MARCHF1: variants seen among roughly 807,000 people sequenced by gnomAD.
MARCHF1 encodes E3 ubiquitin-protein ligase MARCHF1.
In MARCHF1, 40 loss-of-function variants were observed where a neutral mutation model predicts 54.2. That is an observed-to-expected ratio of 0.74 (90% CI 0.57 to 0.96). The LOEUF (loss-of-function observed/expected upper bound fraction) is 0.96, where lower values mean the gene tolerates loss of function less well. MARCHF1 is among the 40% of genes least tolerant of loss of function. The probability of loss-of-function intolerance (pLI) is 0.00; values close to 1 mark genes in which losing one functional copy is unlikely to be tolerated. For missense variants in MARCHF1, 586 were observed against 656.5 expected (o/e 0.89, Z 1.17); for synonymous variants, 236 against 236.3 (o/e 1.00, Z 0.01).
chr4:163,676,691 G>A (rs1250128582), intron 5 of MARCHF1, among the ~76,000 whole-genome samples: 2 of 152,188 alleles, frequency 1.3e-5, no homozygotes, highest in Non-Finnish European at 2.9e-5. Context: ...AGGAATTTGA[G>A]GTTACGATGA....
At chr4:163,893,637 A>G (rs1327475407) in intron 3 of MARCHF1, among the ~76,000 whole-genome samples, 1 of 152,176 alleles carries the variant, frequency 6.6e-6, no homozygotes, top group African/African-American at 2.4e-5. Flanking sequence ...CCATTTTTGA[A>G]TAGATAATTA....
At chr4:164,171,958 T>C (rs542728218) in intron 1 of MARCHF1, among the ~76,000 whole-genome samples, 20 of 152,330 alleles carry the variant, frequency 1.3e-4, no homozygotes, top group African/African-American at 4.8e-4. Flanking sequence ...AATGTATAGT[T>C]GAGCGCTGTC....
intron 1 of MARCHF1, among the ~76,000 whole-genome samples, chr4:164,176,980 C>CTCTCTATATATATATATA (rs1466683245): frequency 3.4e-5 from 2 of 58,922 alleles, no homozygotes; most frequent in Admixed American, 1.9e-4. Context: ...CTCTCTCTCT[C>CTCTCTATATATATATATA]TATATATATA....
At chr4:164,027,323 T>C (rs1311747860) in intron 2 of MARCHF1, among the ~76,000 whole-genome samples, 1 of 127,012 alleles carries the variant, frequency 7.9e-6, no homozygotes, top group Non-Finnish European at 1.6e-5. Context: ...TCACAATACC[T>C]GTCTTTAAGC....
rs1320456593 is a variant in MARCHF1 at position 163,526,373 on chromosome 4, C to A, written c.*2375G>T. ...GTAAATAATTATTTTACTTTCAGAG[C>A]AAACAAAAGAGAAATCAACATTTCT... On this transcript the variant is annotated 3_prime_UTR_variant, in exon 10 of 10. Coordinates refer to ENST00000514618, the MANE Select transcript of MARCHF1 (RefSeq NM_001394959.1). The A allele has an allele frequency of 1.3e-5, 2 of 151,948 alleles. No individual in the cohort carries two copies. The highest frequency in any genetic ancestry group is 4.8e-5 in the African/African-American group (2 of 41,402). 9.4% of individuals were successfully genotyped at this position (151,948 alleles called of 1,614,324 possible).
intron 1 of MARCHF1, among the ~76,000 whole-genome samples, chr4:164,338,192 TCTTATAA>T (rs1430937813): frequency 2.0e-5 from 3 of 152,286 alleles, no homozygotes; most frequent in Non-Finnish European, 4.4e-5. Context: ...ACTGTAAGAC[TCTTATAA>T]CTTATAGACT....
At chr4:163,799,404 G>T (rs977124794) in intron 4 of MARCHF1, among the ~76,000 whole-genome samples, 1 of 152,192 alleles carries the variant, frequency 6.6e-6, no homozygotes, top group African/African-American at 2.4e-5. Context: ...AGTGTTTAGC[G>T]TACTATTTAA....
In MARCHF1 at chr4:163,576,466, A is replaced by G. The variant is rs28855767; in HGVS notation, c.1191+9283T>C. 7.2e-3 allele frequency among the ~76,000 whole-genome samples: 1,089 copies of G among 152,090 alleles called. 15 individuals are homozygous for G. Among genetic ancestry groups the G allele is most frequent in the African/African-American group, 0.024 (998 of 41,504 alleles). On this transcript the variant is annotated intron_variant, in intron 8 of 9. Coordinates refer to ENST00000514618, the MANE Select transcript of MARCHF1 (RefSeq NM_001394959.1). ...ACTTCTGCTTTATGGCTCAGCATGT[A>G]GTTGATCTTAGAGTATGTTCTGTGT...
intron 1 of MARCHF1, among the ~76,000 whole-genome samples, chr4:164,222,500 A>T (rs891941765): frequency 6.6e-6 from 1 of 151,954 alleles, no homozygotes; most frequent in Non-Finnish European, 1.5e-5. Flanking sequence ...TGTAAAAATG[A>T]TAAGCCCTGT....
chr4:163,617,458 G>A (rs1007201016), intron 5 of MARCHF1, among the ~76,000 whole-genome samples: 4 of 152,026 alleles, frequency 2.6e-5, no homozygotes, highest in Non-Finnish European at 1.5e-5. Context: ...ACTACAAATT[G>A]TATACAAATA....
At chr4:164,322,475 C>A (rs116794002) in intron 1 of MARCHF1, among the ~76,000 whole-genome samples, 2,580 of 151,868 alleles carry the variant, frequency 0.017, 68 homozygotes, top group African/African-American at 0.059. Flanking sequence ...TACTCAAAAA[C>A]TGGAAAGAAT....
intron 2 of MARCHF1, among the ~76,000 whole-genome samples, chr4:164,046,264 A>G (rs1754241330): frequency 6.6e-6 from 1 of 152,232 alleles, no homozygotes; most frequent in Non-Finnish European, 1.5e-5. Context: ...AGAGGGAGAC[A>G]CTATTTCTAT....
intron 1 of MARCHF1, among the ~76,000 whole-genome samples, chr4:164,193,162 A>G (rs1446602248): frequency 6.6e-6 from 1 of 152,072 alleles, no homozygotes; most frequent in Admixed American, 6.5e-5. Flanking sequence ...TTCACACTAA[A>G]TGACACTCCC....
intron 1 of MARCHF1, among the ~76,000 whole-genome samples, chr4:164,118,940 T>C (rs1190663710): frequency 2.5e-5 from 2 of 79,038 alleles, no homozygotes; most frequent in South Asian, 4.6e-4. Context: ...TGAGAATAAA[T>C]TGAATGAAAA....
At chr4:164,280,657 A>G (rs17614426) in intron 1 of MARCHF1, among the ~76,000 whole-genome samples, 76,907 of 151,880 alleles carry the variant, frequency 0.51, 23,011 homozygotes, top group Non-Finnish European at 0.69. Context: ...GTTTTCACAA[A>G]CTTAGGTACA....
At chr4:163,642,124 A>C (rs1015573167) in intron 5 of MARCHF1, among the ~76,000 whole-genome samples, 1 of 152,216 alleles carries the variant, frequency 6.6e-6, no homozygotes, top group Non-Finnish European at 1.5e-5. Context: ...ATTTGGATAA[A>C]TTACTCAACA....
chr4:163,932,521 C>T (rs1751699600), intron 3 of MARCHF1: 2 of 354,880 alleles, frequency 5.6e-6, no homozygotes. Context: ...ACCCTGACTC[C>T]TGCCATAGAG....
chr4:163,771,335 G>A (rs1227848328), intron 4 of MARCHF1, among the ~76,000 whole-genome samples: 1 of 152,146 alleles, frequency 6.6e-6, no homozygotes, highest in Non-Finnish European at 1.5e-5. Flanking sequence ...TGAGAAAGCG[G>A]CTTTTCTAAG....
intron 3 of MARCHF1, among the ~76,000 whole-genome samples, chr4:163,885,431 T>C (rs1009349510): frequency 2.0e-5 from 3 of 152,064 alleles, no homozygotes; most frequent in Non-Finnish European, 4.4e-5. Context: ...GTACAACTCA[T>C]AGGAAAAAGG....
Sources: allele counts gnomAD v4.1 joint callset (sites outside exome capture counted in the v4.1 genomes callset), GRCh38; gene constraint gnomAD v4.1.1; transcripts MANE v1.5; gene names NCBI Gene and HGNC (gene_info 2026-07-23, HGNC 2026-07-21).